Variants in TEKTL1 observed in about 807,000 individuals in gnomAD.
TEKTL1 encodes the protein tektin-like protein 1.
the TEKTL1 span, among the ~76,000 whole-genome samples, chr19:15,017,145 C>A: frequency 2.0e-5 from 3 of 152,080 alleles, no homozygotes; most frequent in Non-Finnish European, 4.4e-5. Flanking sequence ...TCTCTTGAGC[C>A]CAGGAGTTTG....
chr19:15,011,658 C>T, the TEKTL1 span, among the ~76,000 whole-genome samples: 1 of 149,896 alleles, frequency 6.7e-6, no homozygotes, highest in Admixed American at 6.7e-5. Context: ...CACTTGAACC[C>T]GGGAGGCAGA....
chr19:15,010,747 A>G, the TEKTL1 span: 3 of 1,418,358 alleles, frequency 2.1e-6, no homozygotes, highest in Middle Eastern at 2.2e-4. Flanking sequence ...TCTACAGGCC[A>G]GGAAAGAGTT....
the TEKTL1 span, chr19:15,021,748 A>AG: frequency 6.2e-7 from 1 of 1,612,248 alleles, no homozygotes; most frequent in Admixed American, 1.7e-5. Context: ...GGGTGGAGGC[A>AG]GGGGTGCCGG....
the TEKTL1 span, among the ~76,000 whole-genome samples, chr19:15,013,043 C>T: frequency 6.6e-6 from 1 of 152,140 alleles, no homozygotes; most frequent in African/African-American, 2.4e-5. Context: ...AGAGAGACTT[C>T]AGACTCCCAA....
chr19:15,021,926 C>T, the TEKTL1 span: 3 of 1,609,388 alleles, frequency 1.9e-6, no homozygotes, highest in South Asian at 2.2e-5. Flanking sequence ...ACAGGTAAAC[C>T]CCCTCCCCCG....
chr19:15,020,453 C>G, the TEKTL1 span: 1 of 1,611,916 alleles, frequency 6.2e-7, no homozygotes. Context: ...CCTCCCCTCC[C>G]CACCCAGACC....
the TEKTL1 span, among the ~76,000 whole-genome samples, chr19:15,015,036 T>C: frequency 1.3e-5 from 2 of 152,008 alleles, no homozygotes; most frequent in South Asian, 2.1e-4. Context: ...TAAAATAAAA[T>C]AAAACTAGCC....
chr19:15,011,183 C>T, the TEKTL1 span: 1 of 1,488,820 alleles, frequency 6.7e-7, no homozygotes, highest in Non-Finnish European at 8.9e-7. Context: ...AGCGCGCGCC[C>T]TGCAGACCAC....
chr19:15,022,877 G>A, the TEKTL1 span: 4 of 1,590,858 alleles, frequency 2.5e-6, no homozygotes, highest in African/African-American at 1.3e-5. Flanking sequence ...CCAGGGCACC[G>A]ACAAGCTGCA....
chr19:15,015,380 TAGA>T, the TEKTL1 span, among the ~76,000 whole-genome samples: 1 of 152,308 alleles, frequency 6.6e-6, no homozygotes, highest in Admixed American at 6.5e-5. Flanking sequence ...CTTAAGTCTC[TAGA>T]AGACTTGCTG....
the TEKTL1 span, chr19:15,022,858 G>A: frequency 1.3e-6 from 2 of 1,577,982 alleles, no homozygotes; most frequent in Non-Finnish European, 1.7e-6. Context: ...GGTCTGCCCT[G>A]CTCCCTATCC....
the TEKTL1 span, among the ~76,000 whole-genome samples, chr19:15,017,306 G>T: frequency 4.8e-4 from 73 of 152,280 alleles, no homozygotes. Flanking sequence ...ACAGAGGAAA[G>T]GGGAGCCAGA....
the TEKTL1 span, among the ~76,000 whole-genome samples, chr19:15,019,939 C>A: frequency 6.6e-6 from 1 of 150,992 alleles, no homozygotes; most frequent in African/African-American, 2.4e-5. Context: ...TGCACTACAA[C>A]CTGTGCAACA....
At chr19:15,014,797 G>A in the TEKTL1 span, among the ~76,000 whole-genome samples, 19 of 150,510 alleles carry the variant, frequency 1.3e-4, no homozygotes, top group Non-Finnish European at 2.5e-4. Flanking sequence ...TCTTCTGGCC[G>A]CTGTCATATT....
the TEKTL1 span, chr19:15,022,734 T>TTTTC: frequency 1.1e-6 from 1 of 892,962 alleles, no homozygotes; most frequent in South Asian, 1.9e-5. Context: ...TTTTTTTTTT[T>TTTTC]CCAGGCACAC....
At chr19:15,015,129 G>A in the TEKTL1 span, among the ~76,000 whole-genome samples, 1 of 152,156 alleles carries the variant, frequency 6.6e-6, no homozygotes, top group East Asian at 1.9e-4. Flanking sequence ...CAAGGCTGCA[G>A]TGAGCCATGA....
the TEKTL1 span, among the ~76,000 whole-genome samples, chr19:15,019,053 A>AC: frequency 1.1e-4 from 16 of 150,808 alleles, no homozygotes; most frequent in Middle Eastern, 3.4e-3. Flanking sequence ...GGCTCAGGTG[A>AC]CCCCCCCACC....
At chr19:15,022,912 G>C in the TEKTL1 span, 1 of 1,605,186 alleles carries the variant, frequency 6.2e-7, no homozygotes, top group Non-Finnish European at 8.5e-7. Flanking sequence ...ACCTGGAAAA[G>C]AACCTGGACG....
the TEKTL1 span, chr19:15,022,992 G>T: frequency 6.2e-7 from 1 of 1,613,150 alleles, no homozygotes; most frequent in Non-Finnish European, 8.5e-7. Flanking sequence ...GAGGTGGACG[G>T]CAACGTGGTG....
Sources: allele counts gnomAD v4.1 joint callset (sites outside exome capture counted in the v4.1 genomes callset), GRCh38; gene constraint gnomAD v4.1.1; transcripts MANE v1.5; gene names NCBI Gene and HGNC (gene_info 2026-07-23, HGNC 2026-07-21).